The following REV1 variants were observed in gnomAD, a reference collection of about 807,000 sequenced individuals.
The protein encoded by REV1 is translesion synthesis protein REV1.
REV1 carries 42 observed loss-of-function variants against 137.4 expected under a neutral mutation model. The observed-to-expected ratio is 0.31, with a 90% CI of 0.24 to 0.40. The LOEUF is 0.40. REV1 is among the 10% of genes least tolerant of loss of function. The pLI, the probability that REV1 is intolerant of heterozygous loss-of-function variation, is 1.00. For missense variants in REV1, 1,282 were observed against 1,490.1 expected (o/e 0.86, Z 2.30); for synonymous variants, 524 against 519.2 (o/e 1.01, Z -0.12).
intron 11 of REV1, among the ~76,000 whole-genome samples, chr2:99,419,268 G>A (rs1301316800): frequency 2.1e-5 from 3 of 144,258 alleles, no homozygotes; most frequent in Admixed American, 1.5e-4. Flanking sequence ...CTGGAGTGTA[G>A]TGGTTGTGAT....
intron 1 of REV1, among the ~76,000 whole-genome samples, chr2:99,474,294 T>A (rs550524904): frequency 9.2e-5 from 14 of 152,314 alleles, no homozygotes; most frequent in African/African-American, 2.9e-4. Flanking sequence ...ATAGTTGACT[T>A]CTAGGGTAGA....
intron 1 of REV1, among the ~76,000 whole-genome samples, chr2:99,485,254 A>C (rs1177993537): frequency 6.6e-6 from 1 of 152,240 alleles, no homozygotes; most frequent in Non-Finnish European, 1.5e-5. Flanking sequence ...GTATTAGCTG[A>C]AAATATCTAT....
intron 6 of REV1, among the ~76,000 whole-genome samples, chr2:99,436,269 C>T (rs369759841): frequency 6.6e-6 from 1 of 152,148 alleles, no homozygotes; most frequent in Non-Finnish European, 1.5e-5. Flanking sequence ...TCTACAAACG[C>T]GCCTGGATAA....
chr2:99,428,567 T>C (rs536921034), intron 9 of REV1, among the ~76,000 whole-genome samples: 51 of 152,266 alleles, frequency 3.3e-4, no homozygotes, highest in African/African-American at 1.1e-3. Context: ...ACTTAATGCT[T>C]TTTAACTTAA....
rs1340858994 is a variant in REV1 at position 99,439,161 on chromosome 2, G to A, written c.653C>T (p.Pro218Leu). The A allele has an allele frequency of 3.7e-6, 6 of 1,614,004 alleles. No homozygotes were observed. Among genetic ancestry groups the A allele is most frequent in the African/African-American group, 2.7e-5 (2 of 74,904 alleles). The change falls in exon 6 of 23, where the codon CCC becomes CTC. Residue 218 changes from proline (P) to leucine (L), a missense_variant. Transcript: ENST00000258428. ...ATTAAAAATGGCAGTGCTCCCTCTG[G>A]GATGCGGAATTCCATTCTGTTTCCT... ...PGRKQNGIPH[P>L]RGSTAIFNGH... is the part of the protein sequence containing the mutation.
intron 17 of REV1, chr2:99,405,678 A>C: frequency 8.4e-6 from 3 of 358,504 alleles, no homozygotes; most frequent in Non-Finnish European, 1.0e-5. Flanking sequence ...CCTTTCAGCT[A>C]TGCTTTACAA....
intron 1 of REV1, among the ~76,000 whole-genome samples, chr2:99,477,865 A>G (rs532708869): frequency 6.6e-6 from 1 of 152,362 alleles, no homozygotes; most frequent in African/African-American, 2.4e-5. Flanking sequence ...TCCTGAAACA[A>G]CGACTAATGC....
intron 3 of REV1, among the ~76,000 whole-genome samples, chr2:99,457,191 C>T (rs1683623727): frequency 1.3e-5 from 2 of 152,150 alleles, no homozygotes; most frequent in Non-Finnish European, 2.9e-5. Context: ...TCTTTTCAAA[C>T]ATAGTTCCTA....
chr2:99,415,096 G>A (rs1200239690), intron 12 of REV1, among the ~76,000 whole-genome samples: 1 of 152,118 alleles, frequency 6.6e-6, no homozygotes, highest in Non-Finnish European at 1.5e-5. Flanking sequence ...GGCATGTGGT[G>A]TACCTCCAAC....
chr2:99,451,405 T>C (rs1310221105), intron 3 of REV1: 15 of 1,300,658 alleles, frequency 1.2e-5, no homozygotes, highest in Admixed American at 4.7e-5. Flanking sequence ...GGAAAATACA[T>C]TGCCCTTCTA....
intron 9 of REV1, among the ~76,000 whole-genome samples, chr2:99,429,475 A>AT (rs1559332009): frequency 1.3e-5 from 2 of 152,172 alleles, no homozygotes; most frequent in South Asian, 2.1e-4. Flanking sequence ...GGATTACAAG[A>AT]TTTTTTCTTA....
At chr2:99,425,250 TGA>T (rs1456768575) in intron 9 of REV1, among the ~76,000 whole-genome samples, 1 of 152,074 alleles carries the variant, frequency 6.6e-6, no homozygotes, top group Admixed American at 6.6e-5. Context: ...ATCCAGACCA[TGA>T]GAGCCAAGAA....
Position 99,410,858 on chromosome 2 carries a change from C to A in REV1, c.2182G>T (p.Ala728Ser). The A allele has an allele frequency of 6.3e-7, 1 of 1,582,872 alleles. No individual in the cohort carries two copies. The highest frequency in any genetic ancestry group is 2.0e-5 in the Admixed American group (1 of 49,942). Residue 728 changes from alanine (A) to serine (S), a missense_variant, in exon 14 of 23, where the codon GCA becomes TCA. Physicochemically the swap from Ala to Ser is moderately conservative, Grantham distance 99. This residue lies in a region of REV1 where 372 missense variants were observed against 482.3 expected (regional missense o/e 0.77). Coordinates refer to ENST00000258428, the MANE Select transcript of REV1 (RefSeq NM_016316.4). ...GAAAGACTCAGAAGAAAAGCTTCTG[C>A]CTCTTTTGGCTATGGAAAGACAAAC... ...YGIRFTQPKE[A>S]EAFLLSLSEE...
intron 1 of REV1, 89 bp downstream of exon 1, chr2:99,489,728 C>G (rs940470841): frequency 2.8e-5 from 4 of 143,424 alleles, no homozygotes; most frequent in Admixed American, 2.7e-4. Context: ...GCGCTCTGGC[C>G]GCTGCCGGGC....
rs574460376 is a variant in REV1 at position 99,469,665 on chromosome 2, G to A, written c.-10-4680C>T. ...AAACTCTATCAAGAGTCTCATCAAG[G>A]ACATGCTTATTTAAAAATATAACAA... On this transcript the variant is annotated intron_variant, in intron 1 of 22. Coordinates refer to ENST00000258428, the MANE Select transcript of REV1 (RefSeq NM_016316.4). Among the ~76,000 whole-genome samples, 24 of 152,214 alleles carry A rather than the reference G, an allele frequency of 1.6e-4. No homozygotes were observed. The South Asian group carries it at 2.1e-3, about 13-fold the overall frequency.
At chr2:99,465,640 A>G (rs1166732246) in intron 1 of REV1, among the ~76,000 whole-genome samples, 1 of 152,270 alleles carries the variant, frequency 6.6e-6, no homozygotes, top group African/African-American at 2.4e-5. Context: ...AGCAAAATAT[A>G]TAATTCATAA....
chr2:99,443,752 T>C (rs1681810962), intron 4 of REV1, among the ~76,000 whole-genome samples: 2 of 152,188 alleles, frequency 1.3e-5, no homozygotes, highest in Non-Finnish European at 2.9e-5. Flanking sequence ...ACATTCAAAA[T>C]ACATTCAAAA....
In REV1 at chr2:99,476,012, T is replaced by C. The variant is rs185323730; in HGVS notation, c.-10-11027A>G. Among the ~76,000 whole-genome samples the C allele has an allele frequency of 8.5e-5, 13 of 152,196 alleles. No individual in the cohort carries two copies. The East Asian group carries it at 2.5e-3, about 30-fold the overall frequency. Reference sequence around the variant, plus strand: ...AAATAAATAAATGAAAATAAACAAATGTGTATGATTCTACACATCTAGTTT... The same window carrying C: ...AAATAAATAAATGAAAATAAACAAACGTGTATGATTCTACACATCTAGTTT... On this transcript the variant is annotated intron_variant, in intron 1 of 22. Coordinates refer to ENST00000258428, the MANE Select transcript of REV1 (RefSeq NM_016316.4).
Position 99,418,817 on chromosome 2 carries a change from T to C in REV1, c.1951+11A>G, listed in dbSNP as rs1678243354. 4 of 1,607,210 alleles carry C rather than the reference T, an allele frequency of 2.5e-6. No individual in the cohort carries two copies. Among genetic ancestry groups the C allele is most frequent in the Non-Finnish European group, 3.4e-6 (4 of 1,174,682 alleles). ...CTGTAATAAAAGTATTGTTAAAATATTTCTATTTACCTGGTAGATTGGTCA... is the reference window on the plus strand; with the variant it reads ...CTGTAATAAAAGTATTGTTAAAATACTTCTATTTACCTGGTAGATTGGTCA... On this transcript the variant is annotated intron_variant, in intron 12 of 22. Coordinates refer to ENST00000258428, the MANE Select transcript of REV1 (RefSeq NM_016316.4).
Sources: gnomAD v4.1 joint callset for allele counts (sites outside exome capture counted in the v4.1 genomes callset) on GRCh38, gnomAD v4.1.1 for gene constraint, gnomAD v4.1.1 regional missense constraint, MANE v1.5 for transcripts, NCBI Gene and HGNC (gene_info 2026-07-23, HGNC 2026-07-21) for gene names.